Variants in NRAP observed in about 807,000 individuals in gnomAD.
NRAP encodes the protein nebulin-related-anchoring protein.
A neutral mutation model predicts 225.9 loss-of-function variants in NRAP; 189 were observed. The observed-to-expected ratio is 0.84, with a 90% CI of 0.74 to 0.94. The LOEUF (loss-of-function observed/expected upper bound fraction) is 0.94. Ranked by LOEUF, NRAP falls within the 40% of genes least tolerant of loss-of-function variation. The pLI is 0.00. For synonymous variants in NRAP, 769 were observed against 790.7 expected (o/e 0.97, Z 0.46); for missense variants, 2,176 against 2,168.7 (o/e 1.00, Z -0.07).
chr10:113,663,261 C>A (rs1850804063), intron 2 of NRAP, 91 bp downstream of exon 2: 10 of 780,866 alleles, frequency 1.3e-5, no homozygotes, highest in African/African-American at 3.4e-5. Flanking sequence ...TTGGATTTAA[C>A]CCTGGGTTAT....
chr10:113,592,381 G>A, intron 38 of NRAP, 80 bp from the exon 39 acceptor site: 1 of 906,812 alleles, frequency 1.1e-6, no homozygotes. Context: ...AGCAGGAGTG[G>A]TTCTTAACCT....
In NRAP at chr10:113,657,576, T is replaced by C; in HGVS notation, c.256-2A>G. 1 of 1,478,286 alleles carries C rather than the reference T, an allele frequency of 6.8e-7. No homozygotes were observed. The highest frequency in any genetic ancestry group is 9.5e-7 in the Non-Finnish European group (1 of 1,057,152). The allele number at this position is 1,478,286 out of a possible 1,614,324, so 91.6% of individuals were successfully genotyped here. A position where few individuals can be genotyped will look rare whatever the true frequency, so the allele number is the denominator to read the frequency against. On this transcript the variant is annotated splice_acceptor_variant, in intron 3 of 41. Coordinates refer to ENST00000359988, the MANE Select transcript of NRAP (RefSeq NM_198060.4). LOFTEE classifies it high-confidence loss of function. ...TTCACCATCTTCTTGGTCATGGATC[T>C]GCTCAAGGAAGATGTTGTCAGTAAT...
In NRAP at chr10:113,597,990, C is replaced by T; in HGVS notation, c.4311G>A (p.Lys1437=). 1 of 1,613,140 alleles carries T rather than the reference C, an allele frequency of 6.2e-7. No individual in the cohort carries two copies. The highest frequency in any genetic ancestry group is 8.5e-7 in the Non-Finnish European group (1 of 1,179,276). The part of the protein sequence containing the change: ...LRSPQMESAK[K]AGELISETKY... ...GTACCTCGCTGATGAGTTCTCCAGC[C>T]TTCTTTGCACTCTCCATCTGTGGGG... The change falls in exon 36 of 42, where the codon AAG becomes AAA. Residue 1437 remains lysine (K), a synonymous_variant. Coordinates refer to ENST00000359988, the MANE Select transcript of NRAP (RefSeq NM_198060.4).
chr10:113,629,294 C>A (rs1848450480), intron 19 of NRAP, among the ~76,000 whole-genome samples: 1 of 151,820 alleles, frequency 6.6e-6, no homozygotes, highest in African/African-American at 2.4e-5. Context: ...TTTTTTTTGC[C>A]AACCTGCTAA....
Position 113,605,203 on chromosome 10 carries a change from T to G in NRAP, c.3916-283A>C, listed in dbSNP as rs546149930. Among the ~76,000 whole-genome samples the G allele has an allele frequency of 2.6e-5, 4 of 152,378 alleles. No individual in the cohort carries two copies. The South Asian group carries it at 6.2e-4, about 24-fold the overall frequency. ...TCAAAAAGGGTGAAAGAGAAACTTG[T>G]GCTTTATCCGTTCGCACTTGGCAAA... On this transcript the variant is annotated intron_variant, in intron 34 of 41. Coordinates refer to ENST00000359988, the MANE Select transcript of NRAP (RefSeq NM_198060.4).
chr10:113,628,348 T>G (rs1334044214), intron 20 of NRAP, among the ~76,000 whole-genome samples: 1 of 152,048 alleles, frequency 6.6e-6, no homozygotes, highest in Non-Finnish European at 1.5e-5. Flanking sequence ...CCACCACACC[T>G]GGCTGATTTT....
intron 14 of NRAP, 29 bp from the exon 15 acceptor site, chr10:113,634,239 C>A (rs1244963848): frequency 6.8e-7 from 1 of 1,469,596 alleles, no homozygotes; most frequent in Admixed American, 1.7e-5. Flanking sequence ...AAAAAGATGT[C>A]ATTTGCTCTT....
In NRAP at chr10:113,597,969, C is replaced by T. The variant is rs1409263860; in HGVS notation, c.4332G>A (p.Glu1444=). The change falls in exon 36 of 42, where the codon GAG becomes GAA. Residue 1444 remains glutamate (E), a splice_region_variant and synonymous_variant. Transcript: ENST00000359988. ...SAKKAGELIS[E]TKYRKKPDSI... is the part of the protein sequence containing the mutation. ...TGTGGTGGGGACAGGTTGATGGTAC[C>T]TCGCTGATGAGTTCTCCAGCCTTCT... 4 of 1,602,786 alleles carry T rather than the reference C, an allele frequency of 2.5e-6. No homozygotes were observed. Among genetic ancestry groups the T allele is most frequent in the Non-Finnish European group, 3.4e-6 (4 of 1,169,932 alleles).
At chr10:113,656,631 G>A (rs777577647) in intron 4 of NRAP, among the ~76,000 whole-genome samples, 3 of 152,070 alleles carry the variant, frequency 2.0e-5, no homozygotes, top group Non-Finnish European at 2.9e-5. Context: ...TTTGTTCATC[G>A]CAATATCATT....
chr10:113,611,127 CCCCTG>C (rs1847293150), intron 30 of NRAP, among the ~76,000 whole-genome samples: 1 of 152,276 alleles, frequency 6.6e-6, no homozygotes, highest in East Asian at 1.9e-4. Context: ...AGTGAGGCGC[CCCCTG>C]GGCGTCCTGC....
intron 11 of NRAP, among the ~76,000 whole-genome samples, chr10:113,644,897 T>A (rs1275956564): frequency 6.6e-6 from 1 of 152,208 alleles, no homozygotes; most frequent in Non-Finnish European, 1.5e-5. Context: ...CCAAGTCAAA[T>A]GCCTTCAGAG....
At chr10:113,605,565 G>A (rs1037849359) in intron 34 of NRAP, among the ~76,000 whole-genome samples, 197 bp downstream of exon 34, 2 of 152,204 alleles carry the variant, frequency 1.3e-5, no homozygotes, top group African/African-American at 4.8e-5. Context: ...ACCTTTGCCT[G>A]AATTTAGCTT....
Position 113,624,847 on chromosome 10 carries a change from G to T in NRAP, c.2328C>A (p.Ala776=). The change falls in exon 22 of 42, where the codon GCC becomes GCA. Residue 776 remains alanine, a synonymous_variant. Transcript: ENST00000359988. Reference sequence around the variant, plus strand: ...GTACCTCGCTGAGATTTGCAGCATTGGCTCGGGCCTGCAGGAAGAGAGGCT... The same window carrying T: ...GTACCTCGCTGAGATTTGCAGCATTTGCTCGGGCCTGCAGGAAGAGAGGCT... ...KDEPLFLQAR[A]NAANLSEKLY... is the part of the protein sequence containing the mutation. The T allele has an allele frequency of 6.2e-7, 1 of 1,613,884 alleles. No homozygotes were observed. The highest frequency in any genetic ancestry group is 1.1e-5 in the South Asian group (1 of 91,066).
At chr10:113,590,436 C>T in intron 40 of NRAP, 142 bp downstream of exon 40, 1 of 727,816 alleles carries the variant, frequency 1.4e-6, no homozygotes, top group Non-Finnish European at 2.2e-6. Flanking sequence ...GTTATTCTTT[C>T]TGGCACTAAA....
chr10:113,590,054 G>A (rs1332339601), intron 40 of NRAP, among the ~76,000 whole-genome samples: 1 of 152,184 alleles, frequency 6.6e-6, no homozygotes, highest in Non-Finnish European at 1.5e-5. Flanking sequence ...AGTTGGGAGT[G>A]GGTGGGGTAG....
Position 113,663,867 on chromosome 10 carries a change from AG to A in NRAP, c.15del (p.Cys6ValfsTer17). MNVQ[P>X]CSRCGYGVYP... ...TAAACCCCATACCCACACCTAGAAC[AG>A]GGCTGCACATTCATCTCGAAGCCGG... is the stretch of plus-strand genomic sequence containing the variant. On this transcript the variant is annotated frameshift_variant, in exon 1 of 42. Transcript: ENST00000359988. LOFTEE classifies it high-confidence loss of function. 1 of 1,613,780 alleles carries A rather than the reference AG, an allele frequency of 6.2e-7. No individual in the cohort carries two copies. The highest frequency in any genetic ancestry group is 2.2e-5 in the East Asian group (1 of 44,882).
chr10:113,589,553 C>CTT, intron 41 of NRAP, 113 bp downstream of exon 41: 12 of 1,325,092 alleles, frequency 9.1e-6, no homozygotes, highest in Non-Finnish European at 1.2e-5. Context: ...GCGTTTCACA[C>CTT]TTCTTTAGAG....
chr10:113,588,947 G>A lies in NRAP; in HGVS notation c.*28C>T, dbSNP rs376431415. The A allele has an allele frequency of 1.9e-6, 3 of 1,557,764 alleles. No individual in the cohort carries two copies. In the South Asian group the frequency reaches 3.4e-5, roughly 17 times the overall value. ...CTCTGGTGAACAAACTTCCTCTCTG[G>A]CCTCTCAGGAATCAGGGTGGACATG... On this transcript the variant is annotated 3_prime_UTR_variant, in exon 42 of 42. Transcript: ENST00000359988.
At chr10:113,621,059 G>A (rs1032057340) in intron 24 of NRAP, among the ~76,000 whole-genome samples, 7 of 152,144 alleles carry the variant, frequency 4.6e-5, no homozygotes, top group Non-Finnish European at 8.8e-5. Flanking sequence ...AATGACACAC[G>A]GGGGACAAGA....
Sources: allele counts gnomAD v4.1 joint callset (sites outside exome capture counted in the v4.1 genomes callset), GRCh38; gene constraint gnomAD v4.1.1; transcripts MANE v1.5; gene names NCBI Gene and HGNC (gene_info 2026-07-23, HGNC 2026-07-21).